Variants in FGD3 observed in about 807,000 individuals in gnomAD.
FGD3 encodes FYVE, RhoGEF and PH domain-containing protein 3.
Under a neutral mutation model 71.8 loss-of-function variants are expected in FGD3, and 45 were observed. The observed-to-expected ratio is 0.63, with a 90% CI of 0.49 to 0.80. FGD3 has a LOEUF of 0.80. Among genes scored for constraint, FGD3 ranks in the 30% least tolerant of loss-of-function variants. FGD3 has a pLI of 0.00. For synonymous variants in FGD3, 378 were observed against 392.8 expected (o/e 0.96, Z 0.44); for missense variants, 844 against 951.5 (o/e 0.89, Z 1.49).
intron 1 of FGD3, among the ~76,000 whole-genome samples, chr9:92,959,706 CAAAAAAAA>C (rs10658844): frequency 8.7e-5 from 7 of 80,554 alleles, no homozygotes; most frequent in African/African-American, 3.6e-4. Context: ...AACTCAGTCT[CAAAAAAAA>C]AAAAAAAAAA....
chr9:92,967,637 C>T (rs1353792034), intron 1 of FGD3, among the ~76,000 whole-genome samples: 4 of 152,146 alleles, frequency 2.6e-5, no homozygotes, highest in African/African-American at 4.8e-5. Flanking sequence ...TGCAGTGGCG[C>T]GATCTCAGCT....
At chr9:92,967,636 G>A (rs570127271) in intron 1 of FGD3, among the ~76,000 whole-genome samples, 4 of 152,170 alleles carry the variant, frequency 2.6e-5, no homozygotes, top group South Asian at 4.1e-4. Flanking sequence ...GTGCAGTGGC[G>A]CGATCTCAGC....
chr9:92,965,108 C>T (rs1859268708), intron 1 of FGD3, among the ~76,000 whole-genome samples: 3 of 152,176 alleles, frequency 2.0e-5, no homozygotes, highest in Non-Finnish European at 4.4e-5. Flanking sequence ...GCGGCAGTGG[C>T]GGCACAACCC....
At chr9:92,957,410 G>T (rs1189125527) in intron 1 of FGD3, among the ~76,000 whole-genome samples, 1 of 152,144 alleles carries the variant, frequency 6.6e-6, no homozygotes, top group African/African-American at 2.4e-5. Context: ...GTTCAGATGG[G>T]GCTGTAATCA....
chr9:93,025,263 G>A (rs1360923602), intron 14 of FGD3, among the ~76,000 whole-genome samples: 1 of 152,216 alleles, frequency 6.6e-6, no homozygotes, highest in East Asian at 1.9e-4. Context: ...TCTTGTCTCT[G>A]TCCCTTACCC....
At chr9:93,026,910 C>T (rs923324485) in intron 14 of FGD3, among the ~76,000 whole-genome samples, 2 of 152,244 alleles carry the variant, frequency 1.3e-5, no homozygotes, top group African/African-American at 2.4e-5. Context: ...AGGTGCACAT[C>T]GGGGCTGCCC....
At chr9:92,998,282 G>A (rs1468724417) in intron 3 of FGD3, among the ~76,000 whole-genome samples, 1 of 152,084 alleles carries the variant, frequency 6.6e-6, no homozygotes, top group East Asian at 1.9e-4. Context: ...GCTTGTGCAT[G>A]CGTCACGTAG....
At chr9:93,022,236 G>A in intron 13 of FGD3, 91 bp from the exon 14 acceptor site, 1 of 1,294,230 alleles carries the variant, frequency 7.7e-7, no homozygotes, top group Non-Finnish European at 1.1e-6. Flanking sequence ...AATGCACAGA[G>A]GTGCTGGGGG....
At position 93,010,296 on chromosome 9, in the gene FGD3, C is replaced by T. The variant is rs561057043; in HGVS notation, c.888C>T (p.Pro296=). ...CGCTGCAGCACCACATGCTGGAGCC[C>T]GTGCAGAGGGTCCCCCGGTACGAGC... ...NLTLQHHMLE[P]VQRVPRYELL... The change falls in exon 7 of 18, where the codon CCC becomes CCT. Residue 296 remains proline (P), a synonymous_variant. Coordinates refer to ENST00000375482, the MANE Select transcript of FGD3 (RefSeq NM_001083536.2). The T allele has an allele frequency of 1.7e-5, 27 of 1,613,220 alleles. No individual in the cohort carries two copies. In the East Asian group the frequency reaches 2.0e-4, roughly 12 times the overall value.
intron 3 of FGD3, among the ~76,000 whole-genome samples, chr9:92,980,435 C>T (rs376525182): frequency 4.6e-5 from 7 of 152,056 alleles, no homozygotes; most frequent in African/African-American, 1.7e-4. Context: ...ATTGCAGATA[C>T]CTAATGTATA....
In FGD3 at chr9:93,022,506, A is replaced by G. The variant is rs1861961018; in HGVS notation, c.1557+117A>G. ...TCAGACCAGGGCCTCCTGGAGGCGGAGGGCTGAGGGGCCAGTCTGCCCTGC... is the reference window on the plus strand; with the variant it reads ...TCAGACCAGGGCCTCCTGGAGGCGGGGGGCTGAGGGGCCAGTCTGCCCTGC... On this transcript the variant is annotated intron_variant, in intron 14 of 17. Coordinates refer to ENST00000375482, the MANE Select transcript of FGD3 (RefSeq NM_001083536.2). 5 of 1,076,370 alleles carry G rather than the reference A, an allele frequency of 4.6e-6. No individual in the cohort carries two copies. In the African/African-American group the frequency reaches 4.7e-5, roughly 10 times the overall value. The allele number at this position is 1,076,370 out of a possible 1,614,324, so 66.7% of individuals were successfully genotyped here. A position where few individuals can be genotyped will look rare whatever the true frequency, so the allele number is the denominator to read the frequency against.
chr9:93,016,220 G>T (rs994493359), intron 10 of FGD3, among the ~76,000 whole-genome samples: 1 of 152,170 alleles, frequency 6.6e-6, no homozygotes, highest in African/African-American at 2.4e-5. Context: ...CCTGGCTGGG[G>T]CGGGGGCCGG....
chr9:93,012,880 C>T (rs1360985952), intron 8 of FGD3, among the ~76,000 whole-genome samples: 1 of 151,554 alleles, frequency 6.6e-6, no homozygotes, highest in Non-Finnish European at 1.5e-5. Context: ...CCTCTTAGTG[C>T]ACACCAGGTG....
chr9:92,982,323 T>C (rs1328988773), intron 3 of FGD3, among the ~76,000 whole-genome samples: 1 of 152,212 alleles, frequency 6.6e-6, no homozygotes, highest in Non-Finnish European at 1.5e-5. Context: ...GATTTCATAT[T>C]TTTATGACTC....
chr9:92,992,361 T>G (rs1860446302), intron 3 of FGD3, among the ~76,000 whole-genome samples: 1 of 152,238 alleles, frequency 6.6e-6, no homozygotes, highest in South Asian at 2.1e-4. Context: ...TGGTGTTTAT[T>G]GTCTTTTCAC....
In FGD3 at chr9:93,034,574, C is replaced by A; in HGVS notation, c.1819C>A (p.Leu607Ile). 6.2e-7 allele frequency: 1 copy of A among 1,613,268 alleles called. No individual in the cohort carries two copies. Among genetic ancestry groups the A allele is most frequent in the Non-Finnish European group, 8.5e-7 (1 of 1,179,752 alleles). Residue 607 changes from leucine (L) to isoleucine (I), a missense_variant, in exon 17 of 18, where the codon CTC becomes ATC. Transcript: ENST00000375482. ...CACTGCAGACCCCCAGCCCAGCCTG[C>A]TCTGCGGCCCCCTGCGGCTGTCAGA... is the stretch of plus-strand genomic sequence containing the variant. ...TPTADPQPSL[L>I]CGPLRLSESG...
At chr9:92,961,622 T>C (rs1859168810) in intron 1 of FGD3, among the ~76,000 whole-genome samples, 2 of 152,212 alleles carry the variant, frequency 1.3e-5, no homozygotes, top group Non-Finnish European at 2.9e-5. Flanking sequence ...CTTAACTCTT[T>C]AGTTTTGATG....
At chr9:92,972,657 A>G (rs1290091392) in intron 1 of FGD3, among the ~76,000 whole-genome samples, 1 of 149,364 alleles carries the variant, frequency 6.7e-6, no homozygotes, top group East Asian at 1.9e-4. Flanking sequence ...AGTTTCCATC[A>G]AATCTAGAAA....
chr9:92,973,153 C>A (rs1321213265), intron 1 of FGD3, among the ~76,000 whole-genome samples: 1 of 129,314 alleles, frequency 7.7e-6, no homozygotes, highest in Admixed American at 8.9e-5. Context: ...TTTGCTCTGT[C>A]GCCCAGGCTG....
Sources: allele counts gnomAD v4.1 joint callset (sites outside exome capture counted in the v4.1 genomes callset), GRCh38; gene constraint gnomAD v4.1.1; transcripts MANE v1.5; gene names NCBI Gene and HGNC (gene_info 2026-07-23, HGNC 2026-07-21).